The following ALDH1L2 variants were observed in gnomAD, a reference collection of about 807,000 sequenced individuals.
ALDH1L2 encodes aldehyde dehydrogenase 1 family member L2.
A neutral mutation model predicts 111.0 loss-of-function variants in ALDH1L2; 91 were observed. The observed-to-expected ratio is 0.82, with a 90% confidence interval of 0.69 to 0.98. The LOEUF (loss-of-function observed/expected upper bound fraction) is 0.98, where lower values mean the gene tolerates loss of function less well. Among genes scored for constraint, ALDH1L2 ranks in the 50% least tolerant of loss-of-function variants. ALDH1L2 has a pLI of 0.00. For synonymous variants in ALDH1L2, 374 were observed against 392.6 expected, an observed-to-expected ratio of 0.95 and a Z score of 0.56; for missense variants, 995 against 1,126.8, an observed-to-expected ratio of 0.88 and a Z score of 1.67.
rs372555622 is a variant in ALDH1L2, at chr12:105,073,645, G to A, written c.193+216C>T. On this transcript the variant is annotated intron_variant, in intron 2 of 22. Transcript: ENST00000258494. ...TCACTCTTGCAAATAGATTTGGCCT[G>A]TGACTAAGTTCTGGCCAATGGGATA... The A allele has an allele frequency of 7.4e-5, 43 of 580,224 alleles. No individual in the cohort carries two copies. In the African/African-American group the frequency reaches 7.5e-4, roughly 10 times the overall value. 35.9% of individuals were successfully genotyped at this position (580,224 alleles called of 1,614,324 possible).
intron 18 of ALDH1L2, among the ~76,000 whole-genome samples, chr12:105,036,508 TATA>T (rs1875116715): frequency 2.4e-5 from 2 of 84,350 alleles, no homozygotes; most frequent in Admixed American, 1.7e-4. Flanking sequence ...TATGTATATA[TATA>T]TTTTATATAT....
intron 8 of ALDH1L2, among the ~76,000 whole-genome samples, chr12:105,061,396 C>T (rs934593027): frequency 1.6e-4 from 24 of 152,200 alleles, no homozygotes; most frequent in African/African-American, 5.5e-4. Flanking sequence ...AATGACTTCA[C>T]CCCTAACCCC....
intron 18 of ALDH1L2, among the ~76,000 whole-genome samples, chr12:105,035,255 A>G (rs956943062): frequency 1.3e-5 from 2 of 152,072 alleles, no homozygotes; most frequent in Non-Finnish European, 2.9e-5. Flanking sequence ...AATAACTTGT[A>G]TACCAAGTTT....
intron 20 of ALDH1L2, 146 bp downstream of exon 20, chr12:105,031,623 C>T: frequency 1.7e-6 from 2 of 1,149,692 alleles, no homozygotes; most frequent in Non-Finnish European, 2.4e-6. Context: ...TCAGCCTCCC[C>T]AGTAGCAGGT....
At position 105,053,478 on chromosome 12, in the gene ALDH1L2, A is replaced by G. The variant is rs150185342; in HGVS notation, c.1288-547T>C. ...GAGGCTCAGTTTTTTTCAACAATGC[A>G]ATGGGGATAATGATACTGCCTTCAT... On this transcript the variant is annotated intron_variant, in intron 10 of 22. Transcript: ENST00000258494. Among the ~76,000 whole-genome samples, 364 of 152,330 alleles carry G rather than the reference A, an allele frequency of 2.4e-3. 3 individuals carry two copies. The highest frequency in any genetic ancestry group is 8.4e-3 in the African/African-American group (349 of 41,578).
At chr12:105,029,137 C>G (rs1874572408) in intron 21 of ALDH1L2, among the ~76,000 whole-genome samples, 2 of 151,762 alleles carry the variant, frequency 1.3e-5, no homozygotes, top group Non-Finnish European at 2.9e-5. Flanking sequence ...AAGTGATCCT[C>G]CCACCTTAGC....
chr12:105,074,145 C>T (rs1475085594), intron 1 of ALDH1L2, 140 bp from the exon 2 acceptor site: 3 of 1,069,518 alleles, frequency 2.8e-6, no homozygotes, highest in Non-Finnish European at 4.0e-6. Context: ...TTCACCACTA[C>T]TCAATATATG....
chr12:105,037,264 T>A (rs1875211455), intron 18 of ALDH1L2, among the ~76,000 whole-genome samples: 1 of 152,232 alleles, frequency 6.6e-6, no homozygotes, highest in Non-Finnish European at 1.5e-5. Flanking sequence ...TTTGAAATAG[T>A]TTAAGGCTCA....
chr12:105,048,040 GT>G (rs1370327455), intron 13 of ALDH1L2: 2 of 152,158 alleles, frequency 1.3e-5, no homozygotes, highest in East Asian at 3.9e-4. Flanking sequence ...AACTATTTGG[GT>G]TTCATAATTG....
intron 10 of ALDH1L2, 30 bp downstream of exon 10, chr12:105,058,043 T>A (rs771613980): frequency 1.9e-6 from 3 of 1,603,612 alleles, no homozygotes; most frequent in African/African-American, 2.7e-5. Context: ...TCTCACTGAT[T>A]TAGGGTTGCA....
intron 21 of ALDH1L2, 122 bp downstream of exon 21, chr12:105,030,202 T>C (rs183904659): frequency 3.4e-6 from 2 of 582,974 alleles, no homozygotes; most frequent in East Asian, 6.8e-5. Flanking sequence ...TTTAAGTTAA[T>C]TATTCTTATG....
At chr12:105,075,503 T>C (rs911425487) in intron 1 of ALDH1L2, among the ~76,000 whole-genome samples, 6 of 152,292 alleles carry the variant, frequency 3.9e-5, no homozygotes, top group Admixed American at 2.0e-4. Context: ...GAAAATTGCT[T>C]GAACCCGGGA....
At chr12:105,047,096 A>G (rs937122760) in intron 13 of ALDH1L2, 127 bp from the exon 14 acceptor site, 2 of 992,392 alleles carry the variant, frequency 2.0e-6, no homozygotes, top group Non-Finnish European at 3.0e-6. Flanking sequence ...GTTTGTTGAT[A>G]AGAACTATAT....
At chr12:105,056,361 C>G (rs1467573191) in intron 10 of ALDH1L2, among the ~76,000 whole-genome samples, 1 of 151,892 alleles carries the variant, frequency 6.6e-6, no homozygotes, top group African/African-American at 2.4e-5. Context: ...TGAACAAAAA[C>G]AGAAAATTGA....
At chr12:105,025,431 C>A (rs1002389911) in intron 22 of ALDH1L2, among the ~76,000 whole-genome samples, 3 of 152,212 alleles carry the variant, frequency 2.0e-5, no homozygotes, top group Non-Finnish European at 1.5e-5. Context: ...GTCAAATACA[C>A]TCTCTCAAAA....
intron 1 of ALDH1L2, among the ~76,000 whole-genome samples, chr12:105,084,135 A>T (rs1282578003): frequency 2.0e-5 from 3 of 151,578 alleles, no homozygotes; most frequent in African/African-American, 7.3e-5. Context: ...ACGTCCAAAA[A>T]CTGCATCCTC....
chr12:105,032,704 G>C (rs1199502648), intron 19 of ALDH1L2, among the ~76,000 whole-genome samples: 1 of 152,112 alleles, frequency 6.6e-6, no homozygotes, highest in Non-Finnish European at 1.5e-5. Flanking sequence ...CACAATATAA[G>C]CTACATACAC....
At chr12:105,051,451 A>T (rs927349487) in intron 12 of ALDH1L2, among the ~76,000 whole-genome samples, 3 of 151,928 alleles carry the variant, frequency 2.0e-5, no homozygotes, top group African/African-American at 2.4e-5. Flanking sequence ...GCCAGATTCC[A>T]GTAACAGCTC....
chr12:105,062,103 T>C (rs10778366), intron 7 of ALDH1L2, among the ~76,000 whole-genome samples: 59,721 of 152,110 alleles, frequency 0.39, 12,957 homozygotes, highest in Middle Eastern at 0.61. Flanking sequence ...ACTTGCCCTG[T>C]ACCATGCTCA....
Sources: gnomAD v4.1 joint callset for allele counts (sites outside exome capture counted in the v4.1 genomes callset) on GRCh38, gnomAD v4.1.1 for gene constraint, MANE v1.5 for transcripts, NCBI Gene and HGNC (gene_info 2026-07-23, HGNC 2026-07-21) for gene names.